The following MAGEB10 variants were observed in gnomAD, a reference collection of about 807,000 sequenced individuals.
MAGEB10 encodes the protein MAGE family member B10, also known as melanoma-associated antigen B10.
For synonymous variants in MAGEB10, 99 were observed against 101.0 expected, an observed-to-expected ratio of 0.98 and a Z score of 0.12; for missense variants, 190 against 261.9, an observed-to-expected ratio of 0.73 and a Z score of 1.89.
intron 1 of MAGEB10, among the ~76,000 whole-genome samples, chrX:27,814,339 G>A (rs1923743396): frequency 9.0e-6 from 1 of 111,282 alleles, no homozygotes; most frequent in Admixed American, 9.6e-5. Flanking sequence ...AAATAGGGGT[G>A]GTTTGGATGG....
At chrX:27,817,452 T>A (rs1462949881) in intron 1 of MAGEB10, 102 bp from the exon 2 acceptor site, 1 of 111,343 alleles carries the variant, frequency 9.0e-6, no homozygotes, top group Non-Finnish European at 1.9e-5. Flanking sequence ...TTATAGGCTT[T>A]CTCTTATATA....
intron 2 of MAGEB10, among the ~76,000 whole-genome samples, chrX:27,819,346 ATGGGGGTGGCTAGAAT>A (rs1923841879): frequency 9.0e-6 from 1 of 111,235 alleles, no homozygotes; most frequent in Non-Finnish European, 1.9e-5. Context: ...TGGGTCCCAT[ATGGGGGTGGCTAGAAT>A]TGGCTTCCCC....
At chrX:27,815,210 A>G (rs1923760719) in intron 1 of MAGEB10, among the ~76,000 whole-genome samples, 1 of 112,033 alleles carries the variant, frequency 8.9e-6, no homozygotes, top group Admixed American at 9.4e-5. Context: ...TGAAGGCTGC[A>G]CCCTGCTCCC....
chrX:27,814,200 C>T (rs923081657), intron 1 of MAGEB10, among the ~76,000 whole-genome samples: 1 of 111,598 alleles, frequency 9.0e-6, no homozygotes, highest in Non-Finnish European at 1.9e-5. Context: ...GCTCCCTCCC[C>T]CTGCCCCTCA....
At chrX:27,812,259 CA>C in intron 1 of MAGEB10, 1 of 167,476 alleles carries the variant, frequency 6.0e-6, no homozygotes, top group Non-Finnish European at 1.2e-5. Context: ...GTACAAATGT[CA>C]AATGCAAGAG....
chrX:27,815,991 C>T (rs1227144062), intron 1 of MAGEB10, among the ~76,000 whole-genome samples: 1 of 111,308 alleles, frequency 9.0e-6, no homozygotes, highest in Non-Finnish European at 1.9e-5. Flanking sequence ...TCCTTTCAGG[C>T]TATCAGTTGG....
intron 1 of MAGEB10, among the ~76,000 whole-genome samples, chrX:27,809,821 CT>C: frequency 9.6e-6 from 1 of 104,109 alleles, no homozygotes; most frequent in East Asian, 3.2e-4. Context: ...AATCGGCACT[CT>C]GTATCTAGCT....
At chrX:27,809,193 G>T (rs1383816196) in intron 1 of MAGEB10, among the ~76,000 whole-genome samples, 2 of 111,472 alleles carry the variant, frequency 1.8e-5, no homozygotes, top group Non-Finnish European at 3.8e-5. Context: ...GACAGCGCAA[G>T]TTCCCGGTGG....
At chrX:27,813,008 C>T (rs1271370025) in intron 1 of MAGEB10, 1 of 137,997 alleles carries the variant, frequency 7.2e-6, no homozygotes, top group Non-Finnish European at 1.4e-5. Flanking sequence ...CTCGTTATAA[C>T]ATAGTACATA....
intron 2 of MAGEB10, 84 bp from the exon 3 acceptor site, chrX:27,821,174 A>T (rs1923877796): frequency 3.7e-6 from 2 of 534,246 alleles, no homozygotes; most frequent in Non-Finnish European, 6.0e-6. Flanking sequence ...GCACCAAGAA[A>T]ACTTTCAGAG....
rs77004668 is a variant in MAGEB10, at chrX:27,811,194, A to C, written c.-199+3158A>C. Among the ~76,000 whole-genome samples, 502 of 110,130 alleles carry C rather than the reference A, an allele frequency of 4.6e-3. 9 individuals are homozygous for C. Among genetic ancestry groups the C allele is most frequent in the Admixed American group, 0.032 (331 of 10,310 alleles). ...TGATAGGGGTCCCTGGGGAAGATAC[A>C]TCTGAGGCCTCCCTAATATCTTTAT... On this transcript the variant is annotated intron_variant, in intron 1 of 2. Transcript: ENST00000356790.
In MAGEB10 at chrX:27,822,700, T is replaced by C. The variant is rs183813413; in HGVS notation, c.*350T>C. 1 of 191,148 alleles carries C rather than the reference T, an allele frequency of 5.2e-6. No homozygotes were observed. The highest frequency in any genetic ancestry group is 7.1e-5 in the Admixed American group (1 of 13,988). The allele number at this position is 191,148 out of a possible 1,213,427, so 15.8% of individuals were successfully genotyped here. ...AATTCAATGTGAAATAATTTAGGAG[T>C]GTAATAAATGGGATCAAGAAATAGA... On this transcript the variant is annotated 3_prime_UTR_variant, in exon 3 of 3. Transcript: ENST00000356790.
chrX:27,817,417 C>T (rs1200826827), intron 1 of MAGEB10, 137 bp from the exon 2 acceptor site: 13 of 111,116 alleles, frequency 1.2e-4, no homozygotes, highest in Non-Finnish European at 7.5e-5. Context: ...TTTTTTAAAT[C>T]CTGCATGTAG....
chrX:27,812,548 T>A, intron 1 of MAGEB10: 1 of 167,792 alleles, frequency 6.0e-6, no homozygotes, highest in Non-Finnish European at 1.2e-5. Flanking sequence ...GAGGAGGAAG[T>A]CTGGAAGGTG....
chrX:27,818,905 A>G (rs1923830915), intron 2 of MAGEB10, among the ~76,000 whole-genome samples: 1 of 111,419 alleles, frequency 9.0e-6, no homozygotes, highest in Admixed American at 9.5e-5. Context: ...AATTTACATC[A>G]TTTCTCACTG....
At chrX:27,818,067 T>C (rs1923813911) in intron 2 of MAGEB10, among the ~76,000 whole-genome samples, 1 of 111,145 alleles carries the variant, frequency 9.0e-6, no homozygotes, top group Non-Finnish European at 1.9e-5. Context: ...TGAATAGCCT[T>C]GGCAATCTCT....
chrX:27,811,247 G>T (rs1359143470), intron 1 of MAGEB10, among the ~76,000 whole-genome samples: 1 of 110,532 alleles, frequency 9.0e-6, no homozygotes, highest in African/African-American at 3.3e-5. Flanking sequence ...TGAAGGCCTT[G>T]CTTGGAGGGG....
intron 1 of MAGEB10, among the ~76,000 whole-genome samples, chrX:27,815,422 T>G (rs750981490): frequency 8.0e-4 from 90 of 112,046 alleles, no homozygotes; most frequent in African/African-American, 2.8e-3. Flanking sequence ...CACTCAAGAT[T>G]TTTTCCAAGT....
chrX:27,811,007 A>T (rs1377518002), intron 1 of MAGEB10, among the ~76,000 whole-genome samples: 4 of 96,050 alleles, frequency 4.2e-5, no homozygotes, highest in Non-Finnish European at 8.2e-5. Context: ...CCAACTGCAT[A>T]CTCTGGGATA....
Sources: gnomAD v4.1 joint callset for allele counts (sites outside exome capture counted in the v4.1 genomes callset) on GRCh38, gnomAD v4.1.1 for gene constraint, MANE v1.5 for transcripts, NCBI Gene and HGNC (gene_info 2026-07-23, HGNC 2026-07-21) for gene names.